Variants in ANKRD10 observed in about 807,000 individuals in gnomAD.
ANKRD10 encodes ankyrin repeat domain-containing protein 10.
Under a neutral mutation model 27.0 loss-of-function variants are expected in ANKRD10, and 14 were observed. That is an observed-to-expected ratio of 0.52 (90% confidence interval 0.34 to 0.81). ANKRD10 has a LOEUF of 0.81. Ranked by LOEUF, ANKRD10 falls within the 40% of genes least tolerant of loss-of-function variation. The pLI is 0.01. For synonymous variants in ANKRD10, 250 were observed against 224.5 expected, an observed-to-expected ratio of 1.11 and a Z score of -1.01; for missense variants, 493 against 544.0, an observed-to-expected ratio of 0.91 and a Z score of 0.93.
intron 3 of ANKRD10, among the ~76,000 whole-genome samples, chr13:110,905,725 TTAGTGGCAAAGTAA>T (rs1436841896): frequency 2.6e-5 from 4 of 152,126 alleles, no homozygotes; most frequent in African/African-American, 7.2e-5. Context: ...ACACAACTAG[TTAGTGGCAAAGTAA>T]TGGTGGCAAA....
chr13:110,893,231 TCTG>T lies in ANKRD10; in HGVS notation c.485_487del (p.Ala162del). 6.2e-7 allele frequency: 1 copy of T among 1,614,194 alleles called. No individual in the cohort carries two copies. The highest frequency in any genetic ancestry group is 1.3e-5 in the African/African-American group (1 of 75,058). ...TTGGAAACCCTGGGTTTGTGCAATGTCTGCTGCTGTCAGGCCACTGGCATTTCT... is the reference window on the plus strand; with the variant it reads ...TTGGAAACCCTGGGTTTGTGCAATGTCTGCTGTCAGGCCACTGGCATTTCT... On this transcript the variant is annotated inframe_deletion, in exon 4 of 6. Coordinates refer to ENST00000267339, the MANE Select transcript of ANKRD10 (RefSeq NM_017664.4).
intron 4 of ANKRD10, among the ~76,000 whole-genome samples, chr13:110,884,380 T>C (rs1173987539): frequency 6.6e-6 from 1 of 152,204 alleles, no homozygotes; most frequent in Non-Finnish European, 1.5e-5. Flanking sequence ...ACTTCCAAGA[T>C]GACCATTCTC....
intron 3 of ANKRD10, among the ~76,000 whole-genome samples, chr13:110,904,787 T>C (rs1054759283): frequency 6.6e-6 from 1 of 152,236 alleles, no homozygotes; most frequent in Non-Finnish European, 1.5e-5. Context: ...GTCCCTGCAA[T>C]GTAACAGTAA....
intron 1 of ANKRD10, among the ~76,000 whole-genome samples, chr13:110,913,546 GA>G (rs1469918819): frequency 2.6e-5 from 4 of 152,158 alleles, no homozygotes; most frequent in Non-Finnish European, 5.9e-5. Flanking sequence ...TTTATTGAAA[GA>G]AAAGTGACTT....
At chr13:110,913,571 G>C (rs901654348) in intron 1 of ANKRD10, among the ~76,000 whole-genome samples, 7 of 152,130 alleles carry the variant, frequency 4.6e-5, no homozygotes, top group East Asian at 3.8e-4. Flanking sequence ...CACTTTAAAA[G>C]AATCAGAAAC....
chr13:110,904,482 T>C (rs1016658341), intron 3 of ANKRD10: 13 of 152,244 alleles, frequency 8.5e-5, no homozygotes, highest in African/African-American at 3.1e-4. Flanking sequence ...TGTAATAAAA[T>C]GTTCAGGACC....
At chr13:110,894,724 A>G (rs1481806098) in intron 3 of ANKRD10, 1 of 148,454 alleles carries the variant, frequency 6.7e-6, no homozygotes, top group Non-Finnish European at 1.5e-5. Context: ...CAGGACTATT[A>G]CAGACTAAAG....
At position 110,888,415 on chromosome 13, in the gene ANKRD10, T is replaced by G. The variant is rs539709069; in HGVS notation, c.691+4613A>C. Among the ~76,000 whole-genome samples, 20 of 152,166 alleles carry G rather than the reference T, an allele frequency of 1.3e-4. No homozygotes were observed. In the East Asian group the frequency reaches 3.5e-3, roughly 26 times the overall value. ...GGATCAAGAAAAAACAATCACTCCTTATTTGAACACAATTAGGTAGGTGTG... is the reference window on the plus strand; with the variant it reads ...GGATCAAGAAAAAACAATCACTCCTGATTTGAACACAATTAGGTAGGTGTG... On this transcript the variant is annotated intron_variant, in intron 4 of 5. Transcript: ENST00000267339.
rs1316034229 is a variant in ANKRD10 at position 110,878,842 on chromosome 13, A to C, written c.*795T>G. 6.6e-6 allele frequency: 1 copy of C among 152,516 alleles called. No homozygotes were observed. The highest frequency in any genetic ancestry group is 1.5e-5 in the Non-Finnish European group (1 of 68,044). The allele number at this position is 152,516 out of a possible 1,614,324, so 9.4% of individuals were successfully genotyped here. A position where few individuals can be genotyped will look rare whatever the true frequency, so the allele number is the denominator to read the frequency against. ...AAAGCAGAAAACCCCAAAAAACAAAAACAAGGAAAAAAGAAAATACATGTC... is the reference window on the plus strand; with the variant it reads ...AAAGCAGAAAACCCCAAAAAACAAACACAAGGAAAAAAGAAAATACATGTC... On this transcript the variant is annotated 3_prime_UTR_variant, in exon 6 of 6. Coordinates refer to ENST00000267339, the MANE Select transcript of ANKRD10 (RefSeq NM_017664.4).
At chr13:110,892,415 G>GAAAAA (rs1381734881) in intron 4 of ANKRD10, among the ~76,000 whole-genome samples, 31 of 2,568 alleles carry the variant, frequency 0.012, no homozygotes, top group Admixed American at 0.022. Flanking sequence ...GGGTGACAGA[G>GAAAAA]CAAAAAAAAA....
intron 2 of ANKRD10, among the ~76,000 whole-genome samples, chr13:110,906,880 A>G (rs1328083184): frequency 2.0e-5 from 3 of 152,070 alleles, no homozygotes; most frequent in Non-Finnish European, 4.4e-5. Context: ...AAGTGAGCAG[A>G]CCCAGGAAAG....
At chr13:110,911,132 C>T (rs915795637) in intron 1 of ANKRD10, among the ~76,000 whole-genome samples, 1 of 152,270 alleles carries the variant, frequency 6.6e-6, no homozygotes, top group African/African-American at 2.4e-5. Context: ...TAAACAAAAA[C>T]GTTAAAGGGA....
In ANKRD10 at chr13:110,915,000, C is replaced by T. The variant is rs2065852241; in HGVS notation, c.-66G>A. 3 of 1,486,946 alleles carry T rather than the reference C, an allele frequency of 2.0e-6. No individual in the cohort carries two copies. In the African/African-American group the frequency reaches 4.2e-5, roughly 21 times the overall value. The allele number at this position is 1,486,946 out of a possible 1,614,324, so 92.1% of individuals were successfully genotyped here. A position where few individuals can be genotyped will look rare whatever the true frequency, so the allele number is the denominator to read the frequency against. ...ACGCGTCGGGGAGGACTCGAGAAGC[C>T]GCCGCCGCAGCACAAAGGAACGAGA... On this transcript the variant is annotated 5_prime_UTR_variant, in exon 1 of 6. Transcript: ENST00000267339.
chr13:110,913,054 CTG>C (rs1022656178), intron 1 of ANKRD10, among the ~76,000 whole-genome samples: 4 of 152,208 alleles, frequency 2.6e-5, no homozygotes, highest in African/African-American at 9.7e-5. Context: ...TTTTAAAAAA[CTG>C]TGATAAAATA....
chr13:110,889,977 C>G (rs1298383400), intron 4 of ANKRD10, among the ~76,000 whole-genome samples: 1 of 152,016 alleles, frequency 6.6e-6, no homozygotes, highest in Non-Finnish European at 1.5e-5. Flanking sequence ...TTAAACTCTT[C>G]TAAATATTTT....
intron 1 of ANKRD10, among the ~76,000 whole-genome samples, chr13:110,912,639 C>A (rs988505447): frequency 6.6e-6 from 1 of 152,200 alleles, no homozygotes; most frequent in African/African-American, 2.4e-5. Context: ...AAAGCTACAA[C>A]AGAGATTTTA....
intron 4 of ANKRD10, among the ~76,000 whole-genome samples, chr13:110,884,187 TTTTTAAAAAAATCCACTA>T (rs1401560837): frequency 6.7e-6 from 1 of 149,810 alleles, no homozygotes; most frequent in African/African-American, 2.5e-5. Flanking sequence ...CAATCCTGAT[TTTTTAAAAAAATCCACTA>T]TTTCCATTAA....
At chr13:110,889,410 G>A (rs1185810947) in intron 4 of ANKRD10, among the ~76,000 whole-genome samples, 3 of 152,162 alleles carry the variant, frequency 2.0e-5, no homozygotes, top group Non-Finnish European at 4.4e-5. Context: ...TCACACTCCA[G>A]AGTTCATGTC....
chr13:110,913,404 T>C (rs1320906721), intron 1 of ANKRD10, among the ~76,000 whole-genome samples: 26 of 152,228 alleles, frequency 1.7e-4, no homozygotes, highest in Admixed American at 1.7e-3. Flanking sequence ...TCATTTCCCC[T>C]GGGCACCTGT....
Sources: allele counts gnomAD v4.1 joint callset (sites outside exome capture counted in the v4.1 genomes callset), GRCh38; gene constraint gnomAD v4.1.1; transcripts MANE v1.5; gene names NCBI Gene and HGNC (gene_info 2026-07-23, HGNC 2026-07-21).